KAZN: variants seen among roughly 807,000 people sequenced by gnomAD.
The protein encoded by KAZN is kazrin.
In KAZN, 40 loss-of-function variants were observed where a neutral mutation model predicts 87.4. The observed-to-expected ratio is 0.46, with a 90% CI of 0.36 to 0.60. KAZN has a LOEUF of 0.60. Among genes scored for constraint, KAZN ranks in the 20% least tolerant of loss-of-function variants. The probability of loss-of-function intolerance (pLI) is 0.00; values close to 1 mark genes in which losing one functional copy is unlikely to be tolerated. For synonymous variants in KAZN, 466 were observed against 458.3 expected (o/e 1.02, Z -0.22); for missense variants, 898 against 1,073.9 (o/e 0.84, Z 2.29).
upstream of KAZN, among the ~76,000 whole-genome samples, chr1:14,596,139 C>CGGGCTAGG (rs1198084026): frequency 3.3e-5 from 5 of 152,168 alleles, no homozygotes; most frequent in Non-Finnish European, 1.5e-5. Context: ...ACACTTACTA[C>CGGGCTAGG]GGGCTAGGGC....
At chr1:14,304,845 G>A (rs113396466) in intron 2 of KAZN, among the ~76,000 whole-genome samples, 5,012 of 152,222 alleles carry the variant, frequency 0.033, 269 homozygotes, top group African/African-American at 0.11. Context: ...AGAGATGTCA[G>A]CTGTGGATGT....
chr1:14,386,847 C>T (rs1661950880), intron 2 of KAZN, among the ~76,000 whole-genome samples: 1 of 152,066 alleles, frequency 6.6e-6, no homozygotes, highest in African/African-American at 2.4e-5. Flanking sequence ...TTTCCTGAAT[C>T]TGAATGTTGG....
chr1:14,032,071 G>T (rs562866611), intron 1 of KAZN, among the ~76,000 whole-genome samples: 1 of 151,974 alleles, frequency 6.6e-6, no homozygotes, highest in Non-Finnish European at 1.5e-5. Flanking sequence ...CCCAAACTTG[G>T]TACTTCTGCT....
At chr1:14,576,716 T>A (rs1314383865) in intron 2 of KAZN, among the ~76,000 whole-genome samples, 1 of 152,188 alleles carries the variant, frequency 6.6e-6, no homozygotes, top group African/African-American at 2.4e-5. Context: ...TAGACACCTC[T>A]CTAAATAGGA....
chr1:14,290,244 A>G (rs928027571), intron 2 of KAZN, among the ~76,000 whole-genome samples: 4 of 152,148 alleles, frequency 2.6e-5, no homozygotes, highest in African/African-American at 9.7e-5. Context: ...GTTGGGTATT[A>G]TCTCCTGGAT....
intron 1 of KAZN, among the ~76,000 whole-genome samples, chr1:14,732,498 G>T (rs759526137): frequency 7.9e-5 from 12 of 152,072 alleles, no homozygotes; most frequent in Admixed American, 2.6e-4. Flanking sequence ...AATTAGCTGG[G>T]TATGGTGACA....
At chr1:14,492,859 G>A (rs1228459362) in intron 2 of KAZN, among the ~76,000 whole-genome samples, 1 of 146,352 alleles carries the variant, frequency 6.8e-6, no homozygotes, top group Non-Finnish European at 1.5e-5. Context: ...ATACCCATGT[G>A]TGAGCACGCA....
intron 1 of KAZN, among the ~76,000 whole-genome samples, chr1:14,757,366 A>G (rs1644599593): frequency 6.6e-6 from 1 of 152,174 alleles, no homozygotes; most frequent in African/African-American, 2.4e-5. Context: ...CTGAAACCGG[A>G]AGGAAAGATT....
At chr1:14,772,210 C>T (rs572373996) in intron 1 of KAZN, among the ~76,000 whole-genome samples, 80 of 152,070 alleles carry the variant, frequency 5.3e-4, no homozygotes, top group Admixed American at 7.9e-4. Context: ...GGCCTGGGTG[C>T]GGTGGCTCAC....
chr1:14,370,565 C>T (rs1660396631), intron 2 of KAZN, among the ~76,000 whole-genome samples: 1 of 152,230 alleles, frequency 6.6e-6, no homozygotes, highest in Non-Finnish European at 1.5e-5. Flanking sequence ...GATTACTTTT[C>T]CCTCTGAGTG....
At chr1:14,204,793 C>T (rs920016752) in intron 2 of KAZN, among the ~76,000 whole-genome samples, 1 of 152,214 alleles carries the variant, frequency 6.6e-6, no homozygotes. Flanking sequence ...TGGCATAATT[C>T]ATGTGATAGG....
At chr1:14,409,947 TTGTC>T (rs760279128) in intron 2 of KAZN, among the ~76,000 whole-genome samples, 28 of 152,270 alleles carry the variant, frequency 1.8e-4, no homozygotes, top group African/African-American at 3.4e-4. Context: ...ATAATTAAAA[TTGTC>T]TGATGGCTTG....
chr1:14,441,309 T>C (rs983821168), intron 2 of KAZN, among the ~76,000 whole-genome samples: 2 of 152,070 alleles, frequency 1.3e-5, no homozygotes, highest in African/African-American at 2.4e-5. Flanking sequence ...AAAGTTATGC[T>C]GAACTTCCAT....
At chr1:13,921,039 T>A (rs1640047696) in intron 1 of KAZN, among the ~76,000 whole-genome samples, 1 of 152,158 alleles carries the variant, frequency 6.6e-6, no homozygotes, top group South Asian at 2.1e-4. Flanking sequence ...CCATGCTAAG[T>A]CATCTATATG....
intron 1 of KAZN, among the ~76,000 whole-genome samples, chr1:14,655,865 A>G (rs1349321622): frequency 2.6e-5 from 4 of 152,198 alleles, no homozygotes; most frequent in Non-Finnish European, 5.9e-5. Context: ...ACCCAGAGCC[A>G]GCAAATGAGA....
chr1:14,569,569 G>A (rs964008608), intron 2 of KAZN, among the ~76,000 whole-genome samples: 5 of 151,458 alleles, frequency 3.3e-5, no homozygotes, highest in Middle Eastern at 3.4e-3. Context: ...AGATCTGCCC[G>A]CCTCGGCCTC....
rs893799300 is a variant in KAZN, at chr1:13,912,285, G to A, written c.91+18529G>A. The stretch of plus-strand genomic sequence containing the variant: ...TTCCTCCTGTGCCTAATGAGTCCGC[G>A]GCAGTTCCTTACTGAAACTGCTTTA... On this transcript the variant is annotated intron_variant, in intron 1 of 16. Transcript: ENST00000636203. Among the ~76,000 whole-genome samples the A allele has an allele frequency of 5.3e-5, 8 of 152,212 alleles. No individual in the cohort carries two copies. The East Asian group carries it at 7.7e-4, about 15-fold the overall frequency.
At chr1:14,125,991 C>T (rs1247758588) in intron 1 of KAZN, among the ~76,000 whole-genome samples, 8 of 151,830 alleles carry the variant, frequency 5.3e-5, no homozygotes, top group Admixed American at 4.6e-4. Flanking sequence ...TTGCGGGCAG[C>T]TCTTACCTGG....
intron 2 of KAZN, among the ~76,000 whole-genome samples, chr1:14,494,700 A>C (rs545641133): frequency 6.6e-6 from 1 of 152,306 alleles, no homozygotes; most frequent in African/African-American, 2.4e-5. Flanking sequence ...TGTCCAAGCA[A>C]AACCAAAATC....
Sources: gnomAD v4.1 joint callset for allele counts (sites outside exome capture counted in the v4.1 genomes callset) on GRCh38, gnomAD v4.1.1 for gene constraint, MANE v1.5 for transcripts, NCBI Gene and HGNC (gene_info 2026-07-23, HGNC 2026-07-21) for gene names.